Variants in CHSY3 observed in about 807,000 individuals in gnomAD.
The protein encoded by CHSY3 is N-acetylgalactosaminyl-proteoglycan 3-beta-glucuronosyltransferase 3.
CHSY3 carries 35 observed loss-of-function variants against 67.2 expected under a neutral mutation model. The observed-to-expected ratio is 0.52, with a 90% CI of 0.40 to 0.69. CHSY3 has a LOEUF of 0.69. Among genes scored for constraint, CHSY3 ranks in the 30% least tolerant of loss-of-function variants. The pLI is 0.00. For missense variants in CHSY3, 1,069 were observed against 1,138.5 expected (o/e 0.94, Z 0.88); for synonymous variants, 474 against 434.7 (o/e 1.09, Z -1.12).
chr5:130,121,163 T>C (rs961633936), intron 2 of CHSY3, among the ~76,000 whole-genome samples: 1 of 152,152 alleles, frequency 6.6e-6, no homozygotes, highest in Admixed American at 6.6e-5. Context: ...GGGAGTCTTG[T>C]TAAAATGTAG....
At chr5:130,164,754 T>C (rs569584246) in intron 2 of CHSY3, among the ~76,000 whole-genome samples, 1 of 151,764 alleles carries the variant, frequency 6.6e-6, no homozygotes, top group Non-Finnish European at 1.5e-5. Flanking sequence ...AATTCCCGAG[T>C]TTGTTAAGAA....
At chr5:129,931,482 T>TG (rs897466436) in intron 2 of CHSY3, among the ~76,000 whole-genome samples, 4 of 152,228 alleles carry the variant, frequency 2.6e-5, no homozygotes, top group African/African-American at 7.2e-5. Flanking sequence ...CTATAGATAT[T>TG]TGAATAGATG....
At chr5:130,116,990 G>A (rs148138183) in intron 2 of CHSY3, among the ~76,000 whole-genome samples, 1 of 152,284 alleles carries the variant, frequency 6.6e-6, no homozygotes, top group African/African-American at 2.4e-5. Context: ...TTTTGGGGGA[G>A]AGAGTTGAGA....
At chr5:129,992,693 A>T (rs747994173) in intron 2 of CHSY3, among the ~76,000 whole-genome samples, 2 of 152,304 alleles carry the variant, frequency 1.3e-5, no homozygotes, top group South Asian at 2.1e-4. Context: ...TCAATATATG[A>T]TGTGCTTTAT....
intron 2 of CHSY3, among the ~76,000 whole-genome samples, chr5:129,946,149 C>T (rs907937038): frequency 2.0e-5 from 3 of 152,126 alleles, no homozygotes; most frequent in East Asian, 3.9e-4. Context: ...TTCTTTTGTC[C>T]TTAGGTATGT....
At chr5:130,059,875 G>A (rs1214804681) in intron 2 of CHSY3, among the ~76,000 whole-genome samples, 1 of 151,820 alleles carries the variant, frequency 6.6e-6, no homozygotes, top group African/African-American at 2.4e-5. Flanking sequence ...ACTATCTTAA[G>A]GTATAATAAA....
chr5:129,966,641 G>A (rs1360688969), intron 2 of CHSY3, among the ~76,000 whole-genome samples: 1 of 151,702 alleles, frequency 6.6e-6, no homozygotes, highest in Non-Finnish European at 1.5e-5. Context: ...ACAGTTTGGA[G>A]TTTATAGACC....
intron 2 of CHSY3, among the ~76,000 whole-genome samples, chr5:129,954,945 T>A (rs938881192): frequency 6.6e-6 from 1 of 152,178 alleles, no homozygotes; most frequent in African/African-American, 2.4e-5. Flanking sequence ...CTTGGCTCAC[T>A]GCAACCTCTG....
At position 129,908,067 on chromosome 5, in the gene CHSY3, C is replaced by G. The variant is rs1760383755; in HGVS notation, c.803-10C>G. The stretch of plus-strand genomic sequence containing the variant: ...AGGAGACATAGTAATTGTTGCCTTT[C>G]TTTTTGTAGGTGATAAATTAGAAGA... On this transcript the variant is annotated splice_polypyrimidine_tract_variant and intron_variant, in intron 1 of 2. Coordinates refer to ENST00000305031, the MANE Select transcript of CHSY3 (RefSeq NM_175856.5). 1.2e-6 allele frequency: 2 copies of G among 1,606,038 alleles called. No individual in the cohort carries two copies. Among genetic ancestry groups the G allele is most frequent in the South Asian group, 2.2e-5 (2 of 89,894 alleles).
At chr5:130,057,767 C>T (rs1765582381) in intron 2 of CHSY3, among the ~76,000 whole-genome samples, 2 of 152,134 alleles carry the variant, frequency 1.3e-5, no homozygotes, top group African/African-American at 4.8e-5. Flanking sequence ...AGATGTTTAC[C>T]CAATTTGTGA....
chr5:130,168,268 A>G (rs1306592240), intron 2 of CHSY3, among the ~76,000 whole-genome samples: 1 of 152,112 alleles, frequency 6.6e-6, no homozygotes, highest in East Asian at 1.9e-4. Flanking sequence ...TTGTGCAGAA[A>G]TTATTAATGT....
chr5:130,001,491 G>T (rs541388188), intron 2 of CHSY3: 1 of 957,286 alleles, frequency 1.0e-6, no homozygotes, highest in Non-Finnish European at 1.2e-6. Flanking sequence ...GCAGAGACTG[G>T]TACCAAGATC....
At chr5:130,139,427 T>C (rs1219759152) in intron 2 of CHSY3, among the ~76,000 whole-genome samples, 2 of 152,244 alleles carry the variant, frequency 1.3e-5, no homozygotes, top group Non-Finnish European at 2.9e-5. Flanking sequence ...ATGAAGTCTA[T>C]GTGAGCTCCA....
Position 129,905,126 on chromosome 5 carries a change from AAGCAGCCCCTGGC to A in CHSY3, c.305_317del (p.Pro102HisfsTer72). 2.0e-6 allele frequency: 3 copies of A among 1,537,196 alleles called. No individual in the cohort carries two copies. Among genetic ancestry groups the A allele is most frequent in the Non-Finnish European group, 1.7e-6 (2 of 1,147,754 alleles). On this transcript the variant is annotated frameshift_variant, in exon 1 of 3. Coordinates refer to ENST00000305031, the MANE Select transcript of CHSY3 (RefSeq NM_175856.5). LOFTEE classifies it high-confidence loss of function. ...CAGCACCCGGGATCACCAGTTTTCGAAGCAGCCCCTGGCAGCAGCCACCTCCGCTGCAGCAGCG... is the reference window on the plus strand; with the variant it reads ...CAGCACCCGGGATCACCAGTTTTCGAAGCAGCCACCTCCGCTGCAGCAGCG...
intron 2 of CHSY3, among the ~76,000 whole-genome samples, chr5:129,917,056 G>C (rs1057255259): frequency 6.6e-6 from 1 of 152,132 alleles, no homozygotes; most frequent in Non-Finnish European, 1.5e-5. Context: ...TAATTTTCTT[G>C]TATATTAATA....
At chr5:130,090,163 A>G (rs907869233) in intron 2 of CHSY3, among the ~76,000 whole-genome samples, 8 of 152,040 alleles carry the variant, frequency 5.3e-5, no homozygotes, top group Non-Finnish European at 8.8e-5. Flanking sequence ...CTTCTTCACT[A>G]TTTGCCTTCC....
chr5:130,128,638 A>G (rs191098503), intron 2 of CHSY3, among the ~76,000 whole-genome samples: 2 of 152,234 alleles, frequency 1.3e-5, no homozygotes, highest in Admixed American at 6.5e-5. Flanking sequence ...TGAAATTGCT[A>G]AGAGTACATC....
At chr5:129,960,591 T>A (rs994468829) in intron 2 of CHSY3, among the ~76,000 whole-genome samples, 7 of 152,070 alleles carry the variant, frequency 4.6e-5, no homozygotes, top group Admixed American at 2.0e-4. Flanking sequence ...ACTCCAACTT[T>A]GATTTTAATT....
At chr5:129,959,570 A>G (rs897798999) in intron 2 of CHSY3, among the ~76,000 whole-genome samples, 3 of 152,168 alleles carry the variant, frequency 2.0e-5, no homozygotes, top group African/African-American at 7.2e-5. Context: ...ATAGGGAGGA[A>G]TAACAATAAA....
Sources: allele counts gnomAD v4.1 joint callset (sites outside exome capture counted in the v4.1 genomes callset), GRCh38; gene constraint gnomAD v4.1.1; transcripts MANE v1.5; gene names NCBI Gene and HGNC (gene_info 2026-07-23, HGNC 2026-07-21).